The following GRIA1 variants were observed in gnomAD, a reference collection of about 807,000 sequenced individuals.
GRIA1 encodes glutamate receptor 1.
In GRIA1, 31 loss-of-function variants were observed where a neutral mutation model predicts 99.2. The ratio of observed to expected loss-of-function variants is 0.31; its 90% CI spans 0.23 to 0.42. GRIA1 has a LOEUF of 0.42. Ranked by LOEUF, GRIA1 falls within the 10% of genes least tolerant of loss-of-function variation. GRIA1 has a pLI of 1.00. For synonymous variants in GRIA1, 438 were observed against 432.4 expected (o/e 1.01, Z -0.16); for missense variants, 782 against 1,157.5 (o/e 0.68, Z 4.71).
At chr5:153,672,907 G>T (rs774376118) in intron 5 of GRIA1, among the ~76,000 whole-genome samples, 1 of 152,186 alleles carries the variant, frequency 6.6e-6, no homozygotes, top group Non-Finnish European at 1.5e-5. Context: ...TCCAAGATAC[G>T]ATCAATGGCA....
intron 1 of GRIA1, chr5:153,492,037 T>A: frequency 1.1e-6 from 1 of 918,602 alleles, no homozygotes; most frequent in Non-Finnish European, 1.5e-6. Context: ...TGAAGCAAGC[T>A]GCTGTGTTTG....
At position 153,590,506 on chromosome 5, in the gene GRIA1, ATGTGTGTGTGTGTGTGTGTGTG is replaced by A. The variant is rs5872325; in HGVS notation, c.221-56396_221-56375del. ...TGTGCAAACTCAACAAGCTATTGAAATGTGTGTGTGTGTGTGTGTGTGTGTGTGTGTGTGTGTGTGTGTGTGT... is the reference window on the plus strand; with the variant it reads ...TGTGCAAACTCAACAAGCTATTGAAATGTGTGTGTGTGTGTGTGTGTGTGT... On this transcript the variant is annotated intron_variant, in intron 2 of 15. Transcript: ENST00000285900. Among the ~76,000 whole-genome samples, 58 of 147,950 alleles carry A rather than the reference ATGTGTGTGTGTGTGTGTGTGTG, an allele frequency of 3.9e-4. 1 individual carries two copies. The highest frequency in any genetic ancestry group is 9.4e-4 in the Admixed American group (14 of 14,874).
At chr5:153,533,475 A>G (rs12518721) in intron 2 of GRIA1, among the ~76,000 whole-genome samples, 10,611 of 152,030 alleles carry the variant, frequency 0.07, 444 homozygotes, top group South Asian at 0.15. Flanking sequence ...GAGGCTTTGG[A>G]TGAACTGACC....
intron 2 of GRIA1, among the ~76,000 whole-genome samples, chr5:153,637,291 T>C (rs2149442641): frequency 6.6e-6 from 1 of 152,346 alleles, no homozygotes; most frequent in Non-Finnish European, 1.5e-5. Context: ...AGGTTTTGCA[T>C]ATTCCAGGCA....
intron 2 of GRIA1, among the ~76,000 whole-genome samples, chr5:153,520,563 A>G (rs1237785132): frequency 6.6e-6 from 1 of 152,166 alleles, no homozygotes; most frequent in African/African-American, 2.4e-5. Context: ...GTGGGGGCCC[A>G]TGGATATGGA....
intron 13 of GRIA1, among the ~76,000 whole-genome samples, chr5:153,781,446 T>C (rs6893888): frequency 2.0e-4 from 30 of 152,200 alleles, no homozygotes; most frequent in African/African-American, 7.2e-4. Context: ...TTCACTTGTA[T>C]TGCTTCCTTC....
In GRIA1 at chr5:153,811,062, C is replaced by A. The variant is rs1766780149; in HGVS notation, c.2558C>A (p.Ala853Asp). 1 of 1,614,138 alleles carries A rather than the reference C, an allele frequency of 6.2e-7. No individual in the cohort carries two copies. The highest frequency in any genetic ancestry group is 8.5e-7 in the Non-Finnish European group (1 of 1,179,954). Reference sequence around the variant, plus strand: ...ATCCCACAGCAATCCATCAACGAAGCCATACGGACATCGACCCTCCCCCGC... The same window carrying A: ...ATCCCACAGCAATCCATCAACGAAGACATACGGACATCGACCCTCCCCCGC... ...CLIPQQSINEAIRTSTLPRNS... is the reference protein window; with the variant it reads ...CLIPQQSINEDIRTSTLPRNS... Residue 853 changes from alanine to aspartate, a missense_variant, in exon 16 of 16, where the codon GCC (alanine) becomes GAC (aspartate). This residue lies in a region of GRIA1 where 76 missense variants were observed against 81.2 expected (regional missense o/e 0.94). Coordinates refer to ENST00000285900, the MANE Select transcript of GRIA1 (RefSeq NM_000827.4).
At chr5:153,760,320 A>G (rs1763097468) in intron 11 of GRIA1, among the ~76,000 whole-genome samples, 1 of 152,094 alleles carries the variant, frequency 6.6e-6, no homozygotes, top group African/African-American at 2.4e-5. Flanking sequence ...AAAAGCTAAT[A>G]GAAATTCAAC....
At chr5:153,657,195 T>A (rs2149466370) in intron 5 of GRIA1, among the ~76,000 whole-genome samples, 1 of 152,328 alleles carries the variant, frequency 6.6e-6, no homozygotes, top group Middle Eastern at 3.4e-3. Flanking sequence ...CACTTTAATA[T>A]ATACCTAGGC....
chr5:153,740,374 A>G (rs941054527), intron 11 of GRIA1, among the ~76,000 whole-genome samples: 1 of 152,238 alleles, frequency 6.6e-6, no homozygotes, highest in Admixed American at 6.5e-5. Flanking sequence ...GACTGCATGC[A>G]TGAGGTCAGA....
intron 5 of GRIA1, among the ~76,000 whole-genome samples, chr5:153,656,607 T>C (rs535755386): frequency 6.6e-6 from 1 of 152,090 alleles, no homozygotes; most frequent in South Asian, 2.1e-4. Flanking sequence ...CTCCAGCTTT[T>C]TTGTCATGAA....
intron 2 of GRIA1, among the ~76,000 whole-genome samples, chr5:153,582,597 T>G (rs771965072): frequency 6.6e-6 from 1 of 152,148 alleles, no homozygotes; most frequent in Non-Finnish European, 1.5e-5. Context: ...AGCTCCTCTT[T>G]TTCTATTACC....
chr5:153,540,015 G>A (rs141910340), intron 2 of GRIA1, among the ~76,000 whole-genome samples: 1 of 152,346 alleles, frequency 6.6e-6, no homozygotes, highest in East Asian at 1.9e-4. Flanking sequence ...TTTGTTCAAA[G>A]TTTTCTCTGA....
chr5:153,529,375 T>C (rs1314315096), intron 2 of GRIA1, among the ~76,000 whole-genome samples: 1 of 152,194 alleles, frequency 6.6e-6, no homozygotes, highest in Non-Finnish European at 1.5e-5. Context: ...TTCACATCTT[T>C]GGCCCAGAAC....
At chr5:153,498,685 A>G (rs1252123777) in intron 2 of GRIA1, among the ~76,000 whole-genome samples, 4 of 152,154 alleles carry the variant, frequency 2.6e-5, no homozygotes, top group African/African-American at 7.2e-5. Flanking sequence ...CTTGACCTAC[A>G]CAATGCTTTT....
chr5:153,742,475 A>G (rs1000128593), intron 11 of GRIA1, among the ~76,000 whole-genome samples: 1 of 152,242 alleles, frequency 6.6e-6, no homozygotes, highest in Non-Finnish European at 1.5e-5. Flanking sequence ...CTGTAGCTCA[A>G]AAGTCCAGTA....
intron 13 of GRIA1, among the ~76,000 whole-genome samples, chr5:153,788,601 T>C (rs1367786110): frequency 1.3e-5 from 2 of 152,258 alleles, no homozygotes; most frequent in Admixed American, 6.5e-5. Flanking sequence ...CCATGTTTCC[T>C]GACCACCTCT....
intron 2 of GRIA1, among the ~76,000 whole-genome samples, chr5:153,625,185 G>C (rs1767477695): frequency 6.6e-6 from 1 of 152,138 alleles, no homozygotes. Context: ...TGCCTCAGGT[G>C]TGTGGTCTAG....
At chr5:153,593,588 GCTTT>G (rs1356667686) in intron 2 of GRIA1, among the ~76,000 whole-genome samples, 2 of 152,018 alleles carry the variant, frequency 1.3e-5, no homozygotes, top group East Asian at 1.9e-4. Flanking sequence ...TTGCTTGCTT[GCTTT>G]GTTTATTTTA....
Sources: allele counts gnomAD v4.1 joint callset (sites outside exome capture counted in the v4.1 genomes callset), GRCh38; gene constraint gnomAD v4.1.1; regional missense constraint gnomAD v4.1.1; transcripts MANE v1.5; gene names NCBI Gene and HGNC (gene_info 2026-07-23, HGNC 2026-07-21).